Variants in S100A8 observed in about 807,000 individuals in gnomAD.
S100A8 encodes protein S100-A8.
A neutral mutation model predicts 4.2 loss-of-function variants in S100A8; 1 was observed. The ratio of observed to expected loss-of-function variants is 0.24; its 90% confidence interval spans 0.08 to 1.12. S100A8 has a LOEUF of 1.12. Among genes scored for constraint, S100A8 ranks in the 50% most tolerant of loss-of-function variants. The pLI is 0.53. For synonymous variants in S100A8, 41 were observed against 44.7 expected, an observed-to-expected ratio of 0.92 and a Z score of 0.33; for missense variants, 96 against 111.8, an observed-to-expected ratio of 0.86 and a Z score of 0.64.
At chr1:153,418,006 C>A in the S100A8 span, 3 of 1,591,402 alleles carry the variant, frequency 1.9e-6, no homozygotes, top group South Asian at 2.3e-5. Flanking sequence ...CTTCTAACAC[C>A]CCCACATAGA....
At chr1:153,395,201 C>A (rs1185165608), upstream of S100A8, among the ~76,000 whole-genome samples, 2 of 152,208 alleles carry the variant, frequency 1.3e-5, no homozygotes, top group Middle Eastern at 3.4e-3. Flanking sequence ...AAAAAACAGA[C>A]CCAACCCTTC....
At chr1:153,406,033 A>C in the S100A8 span, among the ~76,000 whole-genome samples, 1 of 152,028 alleles carries the variant, frequency 6.6e-6, no homozygotes, top group African/African-American at 2.4e-5. Context: ...GTCTTGGAAC[A>C]TTCCCGTGGC....
chr1:153,394,552 G>T (rs1330202336), upstream of S100A8, among the ~76,000 whole-genome samples: 1 of 152,118 alleles, frequency 6.6e-6, no homozygotes, highest in Non-Finnish European at 1.5e-5. Flanking sequence ...TCGGCGGAGA[G>T]TACAAAACAA....
the S100A8 span, among the ~76,000 whole-genome samples, chr1:153,412,337 A>C: frequency 6.6e-6 from 1 of 152,232 alleles, no homozygotes; most frequent in Non-Finnish European, 1.5e-5. Flanking sequence ...ATGAACAGAC[A>C]CTTCTCAAAA....
At chr1:153,418,466 G>A in the S100A8 span, among the ~76,000 whole-genome samples, 2 of 152,214 alleles carry the variant, frequency 1.3e-5, no homozygotes, top group Non-Finnish European at 2.9e-5. Context: ...TGTGCAGCTT[G>A]AGGACAGTGC....
upstream of S100A8, among the ~76,000 whole-genome samples, chr1:153,395,609 A>C (rs1210188299): frequency 2.0e-5 from 3 of 151,988 alleles, no homozygotes; most frequent in Non-Finnish European, 4.4e-5. Flanking sequence ...CCCTACCACT[A>C]GTTTCCTAAA....
At chr1:153,408,643 C>T in the S100A8 span, among the ~76,000 whole-genome samples, 1 of 152,112 alleles carries the variant, frequency 6.6e-6, no homozygotes, top group Admixed American at 6.6e-5. Context: ...AAAGATACTC[C>T]TCGAAAAGAG....
upstream of S100A8, among the ~76,000 whole-genome samples, chr1:153,392,275 A>G (rs994156537): frequency 6.6e-6 from 1 of 152,226 alleles, no homozygotes; most frequent in Admixed American, 6.5e-5. Flanking sequence ...AAGCAAAACG[A>G]CAATGAGATA....
chr1:153,403,074 CA>C, the S100A8 span, among the ~76,000 whole-genome samples: 1 of 152,214 alleles, frequency 6.6e-6, no homozygotes, highest in African/African-American at 2.4e-5. Flanking sequence ...ACCACACAAG[CA>C]GACAAAATGA....
the S100A8 span, among the ~76,000 whole-genome samples, chr1:153,396,117 G>A: frequency 1.3e-5 from 2 of 152,304 alleles, no homozygotes; most frequent in Admixed American, 1.3e-4. Flanking sequence ...ATCAGATAGG[G>A]CCCCCTGGAA....
the S100A8 span, among the ~76,000 whole-genome samples, chr1:153,402,790 A>G: frequency 6.6e-6 from 1 of 152,138 alleles, no homozygotes; most frequent in Non-Finnish European, 1.5e-5. Flanking sequence ...AAGTATATAG[A>G]CAGGCCAAGA....
At chr1:153,392,163 CCAAT>C (rs1363662252), upstream of S100A8, among the ~76,000 whole-genome samples, 4 of 152,100 alleles carry the variant, frequency 2.6e-5, no homozygotes, top group African/African-American at 9.7e-5. Context: ...AACAAACAAA[CCAAT>C]CAAAAATTGG....
At chr1:153,390,871 TG>T in intron 1 of S100A8, 169 bp downstream of exon 1, 1 of 440,358 alleles carries the variant, frequency 2.3e-6, no homozygotes, top group Non-Finnish European at 3.4e-6. Flanking sequence ...TGGAAGGTGC[TG>T]GAGGATACTC....
upstream of S100A8, among the ~76,000 whole-genome samples, chr1:153,391,871 G>A (rs1437917163): frequency 6.6e-6 from 1 of 152,200 alleles, no homozygotes; most frequent in African/African-American, 2.4e-5. Flanking sequence ...ACTGGCTGAA[G>A]AGAGGAAGCT....
upstream of S100A8, among the ~76,000 whole-genome samples, chr1:153,392,350 G>A (rs1338807795): frequency 6.6e-6 from 1 of 152,118 alleles, no homozygotes; most frequent in African/African-American, 2.4e-5. Context: ...TGTTGGTGAG[G>A]GCATAGAGAA....
the S100A8 span, among the ~76,000 whole-genome samples, chr1:153,398,304 G>A: frequency 1.2e-4 from 19 of 152,228 alleles, no homozygotes; most frequent in African/African-American, 3.9e-4. Context: ...TGGGTGCTGG[G>A]CCTGTCCAGG....
chr1:153,418,435 G>A, the S100A8 span, among the ~76,000 whole-genome samples: 2 of 152,176 alleles, frequency 1.3e-5, no homozygotes, highest in Non-Finnish European at 2.9e-5. Flanking sequence ...TATAAAGGAG[G>A]TTATTAGATG....
upstream of S100A8, among the ~76,000 whole-genome samples, chr1:153,391,381 A>G (rs185384124): frequency 1.2e-3 from 178 of 152,166 alleles, no homozygotes; most frequent in Middle Eastern, 6.8e-3. Flanking sequence ...CCTCTCCACT[A>G]TTGCGATTGC....
chr1:153,408,772 G>C, the S100A8 span, among the ~76,000 whole-genome samples: 34 of 152,210 alleles, frequency 2.2e-4, no homozygotes, highest in African/African-American at 7.7e-4. Context: ...CACTAACAGA[G>C]GATCTCTTGG....
Sources: allele counts gnomAD v4.1 joint callset (sites outside exome capture counted in the v4.1 genomes callset), GRCh38; gene constraint gnomAD v4.1.1; transcripts MANE v1.5; gene names NCBI Gene and HGNC (gene_info 2026-07-23, HGNC 2026-07-21).